The following LLGL2 variants were observed in gnomAD, a reference collection of about 807,000 sequenced individuals.
LLGL2 encodes the protein LLGL scribble cell polarity complex component 2, also known as LLGL2, scribble cell polarity complex component.
LLGL2 carries 81 observed loss-of-function variants against 123.2 expected under a neutral mutation model. That is an observed-to-expected ratio of 0.66 (90% CI 0.55 to 0.79). LLGL2 has a LOEUF of 0.79. LLGL2 is among the 30% of genes least tolerant of loss of function. LLGL2 has a pLI of 0.00. For missense variants in LLGL2, 1,273 were observed against 1,414.6 expected (o/e 0.90, Z 1.61); for synonymous variants, 577 against 594.1 (o/e 0.97, Z 0.42).
intron 10 of LLGL2, among the ~76,000 whole-genome samples, chr17:75,566,946 G>A (rs557123613): frequency 3.8e-4 from 58 of 152,314 alleles, no homozygotes; most frequent in African/African-American, 1.3e-3. Flanking sequence ...ATGTGTGAAG[G>A]CTGCTCAATG....
intron 1 of LLGL2, among the ~76,000 whole-genome samples, chr17:75,533,963 C>T (rs1326473499): frequency 6.6e-6 from 1 of 152,196 alleles, no homozygotes; most frequent in Non-Finnish European, 1.5e-5. Context: ...CAGCACAATC[C>T]CCACCTCCTG....
intron 25 of LLGL2, 48 bp from the exon 26 acceptor site, chr17:75,574,823 C>G: frequency 6.2e-7 from 1 of 1,611,190 alleles, no homozygotes; most frequent in Non-Finnish European, 8.5e-7. Flanking sequence ...GGCTGGGGCA[C>G]CCCGTCCTGC....
At chr17:75,528,241 G>A (rs753850238) in intron 1 of LLGL2, among the ~76,000 whole-genome samples, 1 of 151,890 alleles carries the variant, frequency 6.6e-6, no homozygotes, top group South Asian at 2.1e-4. Context: ...TCGGCCTCCC[G>A]AGTAGCTGGG....
chr17:75,569,214 T>C lies in LLGL2; in HGVS notation c.1477-7T>C, dbSNP rs774009412. 4 of 1,613,048 alleles carry C rather than the reference T, an allele frequency of 2.5e-6. No individual in the cohort carries two copies. The South Asian group carries it at 4.4e-5, about 18-fold the overall frequency. ...TGGCTGCTCACAGGGCCCCTCCCCT[T>C]CTCCAGGTGGGCTCCTTTGACCCCT... On this transcript the variant is annotated splice_polypyrimidine_tract_variant and splice_region_variant and intron_variant, in intron 13 of 25. Coordinates refer to ENST00000392550, the MANE Select transcript of LLGL2 (RefSeq NM_001031803.2).
At chr17:75,556,946 T>A (rs1271207129) in intron 3 of LLGL2, among the ~76,000 whole-genome samples, 1 of 151,982 alleles carries the variant, frequency 6.6e-6, no homozygotes, top group African/African-American at 2.4e-5. Context: ...GGAGAATCGT[T>A]TGAACCTGGG....
upstream of LLGL2, among the ~76,000 whole-genome samples, chr17:75,525,460 C>T (rs2053522054): frequency 1.3e-5 from 2 of 151,908 alleles, no homozygotes; most frequent in South Asian, 4.1e-4. This position sits in a 1 kb window ranked among gnomAD's most constrained non-coding sequence, Gnocchi z 4.8. Context: ...CGCGGCGCGC[C>T]GTTCTGCGTC....
At chr17:75,546,265 A>C (rs1238195547) in intron 2 of LLGL2, 1 of 152,358 alleles carries the variant, frequency 6.6e-6, no homozygotes, top group Non-Finnish European at 1.5e-5. Flanking sequence ...GATCGTTTTG[A>C]TTTGGACACA....
intron 2 of LLGL2, among the ~76,000 whole-genome samples, chr17:75,551,946 T>G (rs1370937028): frequency 2.6e-5 from 4 of 152,122 alleles, no homozygotes; most frequent in Non-Finnish European, 1.5e-5. Flanking sequence ...CTGGCCAACA[T>G]GGTGAAACCC....
intron 2 of LLGL2, among the ~76,000 whole-genome samples, chr17:75,555,320 C>T (rs1264262919): frequency 2.1e-5 from 3 of 145,696 alleles, no homozygotes; most frequent in South Asian, 2.2e-4. Flanking sequence ...GACGGAGTCT[C>T]GCTCTGTCGC....
At position 75,570,472 on chromosome 17, in the gene LLGL2, C is replaced by T. The variant is rs757884299; in HGVS notation, c.1999C>T (p.Arg667Trp). Residue 667 changes from arginine (R) to tryptophan (W), a missense_variant, in exon 16 of 26, where the codon CGG becomes TGG. Coordinates refer to ENST00000392550, the MANE Select transcript of LLGL2 (RefSeq NM_001031803.2). ...TCGGAGCCGGGTGTCCAGCCGGAAG[C>T]GGCACCCGGCTGGCCCCCCAGGAGA... The part of the protein sequence containing the change: ...MRRSRVSSRK[R>W]HPAGPPGEAQ... 30 of 1,583,382 alleles carry T rather than the reference C, an allele frequency of 1.9e-5. No individual in the cohort carries two copies. In the East Asian group the frequency reaches 5.6e-4, roughly 29 times the overall value.
At chr17:75,540,267 C>T (rs530501279) in intron 1 of LLGL2, among the ~76,000 whole-genome samples, 1 of 152,320 alleles carries the variant, frequency 6.6e-6, no homozygotes, top group East Asian at 1.9e-4. Context: ...ACCTGCTTGT[C>T]TGGGGTGGGG....
At chr17:75,545,120 T>C (rs1355566747) in intron 2 of LLGL2, among the ~76,000 whole-genome samples, 1 of 150,138 alleles carries the variant, frequency 6.7e-6, no homozygotes, top group Non-Finnish European at 1.5e-5. Flanking sequence ...CCCCTACCCC[T>C]GCCCCCTTGC....
chr17:75,557,071 G>T (rs2054948526), intron 3 of LLGL2, among the ~76,000 whole-genome samples: 1 of 145,470 alleles, frequency 6.9e-6, no homozygotes, highest in Non-Finnish European at 1.5e-5. Flanking sequence ...TGGAGACAGG[G>T]TCTTGTGATC....
In LLGL2 at chr17:75,574,559, C is replaced by G. The variant is rs376567884; in HGVS notation, c.2997-51C>G. On this transcript the variant is annotated intron_variant, in intron 24 of 25. Coordinates refer to ENST00000392550, the MANE Select transcript of LLGL2 (RefSeq NM_001031803.2). ...CTCTGCCAGAGGGCTCAGGGGAGCG[C>G]TGAGAGTGGAGGTCCCTGAGGCCAT... 132 of 1,601,066 alleles carry G rather than the reference C, an allele frequency of 8.2e-5. No homozygotes were observed. In the African/African-American group the frequency reaches 1.6e-3, roughly 19 times the overall value.
At position 75,558,697 on chromosome 17, in the gene LLGL2, A is replaced by G. The variant is rs2055033739; in HGVS notation, c.371+70A>G. ...ACCCTTGCCCTTAGCTCTGGAGTGG[A>G]CTCACCCTTTGTGAGGCCTGTTGCG... On this transcript the variant is annotated intron_variant, in intron 5 of 25. Transcript: ENST00000392550. This position sits in a 1 kb window ranked among gnomAD's most constrained non-coding sequence, Gnocchi z 4.0. The G allele has an allele frequency of 8.7e-6, 11 of 1,264,108 alleles. No individual in the cohort carries two copies. The highest frequency in any genetic ancestry group is 2.0e-5 in the Admixed American group (1 of 49,784). The allele number at this position is 1,264,108 out of a possible 1,614,324, so 78.3% of individuals were successfully genotyped here.
chr17:75,536,494 G>GGC lies in LLGL2; in HGVS notation c.-30-6903_-30-6902insGC, dbSNP rs1252476897. Reference sequence around the variant, plus strand: ...CCGCCTTTCCGGGCCTAACTATTCCGTGTCTCTAGGGGGTACCTCTCCCCA... The same window carrying GGC: ...CCGCCTTTCCGGGCCTAACTATTCCGGCTGTCTCTAGGGGGTACCTCTCCCCA... On this transcript the variant is annotated intron_variant, in intron 1 of 25. Transcript: ENST00000392550. 3.5e-3 allele frequency among the ~76,000 whole-genome samples: 538 copies of GGC among 152,234 alleles called. 3 individuals carry two copies. The highest frequency in any genetic ancestry group is 0.012 in the African/African-American group (511 of 41,538).
chr17:75,532,749 A>G (rs1476968146), intron 1 of LLGL2, among the ~76,000 whole-genome samples: 2 of 152,102 alleles, frequency 1.3e-5, no homozygotes, highest in African/African-American at 4.8e-5. Context: ...ATTAACATTT[A>G]ATATAATTCT....
In LLGL2 at chr17:75,559,738, C is replaced by T. The variant is rs188680481; in HGVS notation, c.530+328C>T. Among the ~76,000 whole-genome samples the T allele has an allele frequency of 5.1e-4, 78 of 152,286 alleles. No homozygotes were observed. The highest frequency in any genetic ancestry group is 1.7e-3 in the African/African-American group (70 of 41,560). On this transcript the variant is annotated intron_variant, in intron 6 of 25. Coordinates refer to ENST00000392550, the MANE Select transcript of LLGL2 (RefSeq NM_001031803.2). The surrounding 1 kb of genome is among the most constrained non-coding windows in gnomAD (Gnocchi z 4.6). ...CCCAGGGGCTCCGCAGCGGGGAAGT[C>T]GGGCCCAGACCTCCCTGTGTCACTG...
chr17:75,565,477 C>T (rs1480543038), intron 10 of LLGL2, among the ~76,000 whole-genome samples: 1 of 152,226 alleles, frequency 6.6e-6, no homozygotes, highest in African/African-American at 2.4e-5. Flanking sequence ...CCTCTCCTCC[C>T]TCCTCACACC....
Sources: gnomAD v4.1 joint callset for allele counts (sites outside exome capture counted in the v4.1 genomes callset) on GRCh38, gnomAD v4.1.1 for gene constraint, Gnocchi (gnomAD v3.1) non-coding constraint, MANE v1.5 for transcripts, NCBI Gene and HGNC (gene_info 2026-07-23, HGNC 2026-07-21) for gene names.